Variants in IPO11 observed in about 807,000 individuals in gnomAD.
The protein encoded by IPO11 is importin 11, also known as importin-11.
A neutral mutation model predicts 143.2 loss-of-function variants in IPO11; 66 were observed. The ratio of observed to expected loss-of-function variants is 0.46; its 90% confidence interval spans 0.38 to 0.57. The LOEUF (loss-of-function observed/expected upper bound fraction) is 0.57, where lower values mean the gene tolerates loss of function less well. Among genes scored for constraint, IPO11 ranks in the 20% least tolerant of loss-of-function variants. The pLI is 0.00. For missense variants in IPO11, 1,026 were observed against 1,141.0 expected (o/e 0.90, Z 1.45); for synonymous variants, 385 against 377.8 (o/e 1.02, Z -0.22).
At chr5:62,508,823 TC>T (rs1395229284) in intron 19 of IPO11, among the ~76,000 whole-genome samples, 1 of 152,196 alleles carries the variant, frequency 6.6e-6, no homozygotes, top group Non-Finnish European at 1.5e-5. Context: ...TTCTCATTGT[TC>T]AACTCCCACC....
intron 28 of IPO11, among the ~76,000 whole-genome samples, chr5:62,599,560 G>T (rs1252271118): frequency 6.6e-6 from 1 of 152,170 alleles, no homozygotes; most frequent in African/African-American, 2.4e-5. Flanking sequence ...ACCCAGAAAT[G>T]ACTTAAAAGG....
chr5:62,513,646 C>T (rs1175751884), intron 19 of IPO11, among the ~76,000 whole-genome samples: 3 of 146,150 alleles, frequency 2.1e-5, no homozygotes, highest in Non-Finnish European at 3.0e-5. Flanking sequence ...CGGGCAGAGG[C>T]GCCCCTCACC....
intron 24 of IPO11, among the ~76,000 whole-genome samples, chr5:62,540,391 G>A (rs779267079): frequency 9.2e-5 from 14 of 152,164 alleles, no homozygotes; most frequent in Non-Finnish European, 1.8e-4. Context: ...TAAGAAAAGA[G>A]GTGATTTCTC....
Position 62,484,141 on chromosome 5 carries a change from G to T in IPO11, c.1153G>T (p.Glu385Ter). Reference protein sequence around the residue: ...LLTEEELTMWEEDPEGFTVEE... With the variant: ...LLTEEELTMW ...AACTGAAGAAGAACTGACAATGTGG[G>T]AAGAAGACCCAGAAGGCTTTAGTAA... is the stretch of plus-strand genomic sequence containing the variant. The change falls in exon 11 of 30, where the codon GAA becomes TAA. Residue 385 changes from glutamate (E) to a stop codon, truncating the protein, a stop_gained. Coordinates refer to ENST00000325324, the MANE Select transcript of IPO11 (RefSeq NM_016338.5). LOFTEE classifies it high-confidence loss of function. 3.7e-6 allele frequency: 6 copies of T among 1,602,732 alleles called. No homozygotes were observed. The highest frequency in any genetic ancestry group is 5.1e-6 in the Non-Finnish European group (6 of 1,177,012).
chr5:62,612,378 A>G (rs2112466861), intron 29 of IPO11, among the ~76,000 whole-genome samples: 1 of 152,336 alleles, frequency 6.6e-6, no homozygotes, highest in Non-Finnish European at 1.5e-5. Flanking sequence ...TGTAGTTTCA[A>G]AGAAGAATAT....
chr5:62,457,992 C>T (rs1004402019), intron 5 of IPO11, among the ~76,000 whole-genome samples: 2 of 151,748 alleles, frequency 1.3e-5, no homozygotes, highest in Non-Finnish European at 2.9e-5. Context: ...ACTAAAAATA[C>T]AAAAATTAGC....
intron 27 of IPO11, among the ~76,000 whole-genome samples, chr5:62,582,507 A>G (rs894316550): frequency 6.6e-6 from 1 of 152,218 alleles, no homozygotes; most frequent in African/African-American, 2.4e-5. Flanking sequence ...ACATGGAAAT[A>G]TATATCATGC....
chr5:62,556,380 A>G (rs1743577078), intron 26 of IPO11, among the ~76,000 whole-genome samples: 1 of 152,212 alleles, frequency 6.6e-6, no homozygotes, highest in Admixed American at 6.5e-5. Context: ...CGTATCATAT[A>G]ATTAAAGCAT....
At chr5:62,550,205 G>A (rs539382862) in intron 24 of IPO11, among the ~76,000 whole-genome samples, 162 bp from the exon 25 acceptor site, 30 of 152,230 alleles carry the variant, frequency 2.0e-4, no homozygotes, top group Non-Finnish European at 3.5e-4. Context: ...GGATTATCTT[G>A]TAAAAGTGTG....
chr5:62,446,035 A>C (rs563949211), intron 3 of IPO11, among the ~76,000 whole-genome samples: 2 of 152,314 alleles, frequency 1.3e-5, no homozygotes, highest in Admixed American at 6.5e-5. Context: ...GGAACTATTA[A>C]AGTTGGAAAG....
At position 62,487,879 on chromosome 5, in the gene IPO11, A is replaced by G; in HGVS notation, c.1309+18A>G. 3 of 1,597,560 alleles carry G rather than the reference A, an allele frequency of 1.9e-6. No homozygotes were observed. The South Asian group carries it at 3.4e-5, about 18-fold the overall frequency. On this transcript the variant is annotated intron_variant, in intron 13 of 29. Transcript: ENST00000325324. ...ACTTCAAGGTAAGGCATATTTTGTG[A>G]TTAACTTTGAGTTAATCTCTTTAAC...
chr5:62,500,569 C>T (rs1246710021), intron 16 of IPO11, among the ~76,000 whole-genome samples: 5 of 152,272 alleles, frequency 3.3e-5, no homozygotes, highest in African/African-American at 1.2e-4. Flanking sequence ...GTGATCATAG[C>T]TTACTGCAGC....
intron 16 of IPO11, among the ~76,000 whole-genome samples, chr5:62,500,762 T>C: frequency 6.6e-6 from 1 of 152,144 alleles, no homozygotes. Flanking sequence ...CCTCCCAAAG[T>C]ACTGGGATTA....
intron 27 of IPO11, among the ~76,000 whole-genome samples, chr5:62,587,441 G>A (rs1429586941): frequency 1.3e-5 from 2 of 151,854 alleles, no homozygotes; most frequent in Non-Finnish European, 1.5e-5. Flanking sequence ...AACGACAAAA[G>A]TATTTGCAGG....
At chr5:62,545,957 G>A (rs1044471496) in intron 24 of IPO11, among the ~76,000 whole-genome samples, 12 of 152,194 alleles carry the variant, frequency 7.9e-5, no homozygotes, top group Admixed American at 7.9e-4. Flanking sequence ...AACAGGTGCT[G>A]GAGAGGATGT....
intron 21 of IPO11, among the ~76,000 whole-genome samples, chr5:62,526,951 C>G (rs1742388690): frequency 6.6e-6 from 1 of 152,114 alleles, no homozygotes; most frequent in South Asian, 2.1e-4. Context: ...AAGAAATGAA[C>G]ATTTGATTCT....
chr5:62,614,004 C>T (rs778629650), intron 29 of IPO11, among the ~76,000 whole-genome samples: 4 of 152,212 alleles, frequency 2.6e-5, no homozygotes, highest in Admixed American at 1.3e-4. Flanking sequence ...GGTGAAATTA[C>T]CTATGACAGA....
chr5:62,467,316 C>T (rs1456254789), intron 6 of IPO11, 53 bp downstream of exon 6: 3 of 1,537,734 alleles, frequency 2.0e-6, no homozygotes, highest in East Asian at 2.3e-5. Context: ...TCAGAACAGT[C>T]ACCAAATAGT....
Position 62,452,723 on chromosome 5 carries a change from G to GGTGTGT in IPO11, c.516+822_516+827dup, listed in dbSNP as rs57057274. 8.2e-4 allele frequency among the ~76,000 whole-genome samples: 111 copies of GGTGTGT among 135,442 alleles called. 4 individuals carry two copies. The highest frequency in any genetic ancestry group is 7.3e-3 in the Middle Eastern group (2 of 274). The allele number at this position is 135,442 out of a possible 152,430, so 88.9% of individuals were successfully genotyped here. A position where few individuals can be genotyped will look rare whatever the true frequency, so the allele number is the denominator to read the frequency against. ...CAGGGTTTTGTTCTGTTTTTGGTGG[G>GGTGTGT]GTGTGTGTGTGTGTGTGTGTGTGTG... is the stretch of plus-strand genomic sequence containing the variant. On this transcript the variant is annotated intron_variant, in intron 5 of 29. Transcript: ENST00000325324.
Sources: gnomAD v4.1 joint callset for allele counts (sites outside exome capture counted in the v4.1 genomes callset) on GRCh38, gnomAD v4.1.1 for gene constraint, MANE v1.5 for transcripts, NCBI Gene and HGNC (gene_info 2026-07-23, HGNC 2026-07-21) for gene names.